Variants in YEATS2 observed in about 807,000 individuals in gnomAD.
YEATS2 encodes YEATS domain containing 2.
Under a neutral mutation model 163.2 loss-of-function variants are expected in YEATS2, and 77 were observed. The observed-to-expected ratio is 0.47, with a 90% CI of 0.39 to 0.57. YEATS2 has a LOEUF of 0.57. Among genes scored for constraint, YEATS2 ranks in the 20% least tolerant of loss-of-function variants. The pLI, the probability that YEATS2 is intolerant of heterozygous loss-of-function variation, is 0.00. For missense variants in YEATS2, 1,549 were observed against 1,729.8 expected (o/e 0.90, Z 1.85); for synonymous variants, 631 against 645.1 (o/e 0.98, Z 0.33).
At chr3:183,778,418 A>G (rs897551925) in intron 19 of YEATS2, among the ~76,000 whole-genome samples, 2 of 152,250 alleles carry the variant, frequency 1.3e-5, no homozygotes, top group African/African-American at 4.8e-5. Flanking sequence ...AAATTTCTCC[A>G]GAGGGGCTTC....
intron 20 of YEATS2, among the ~76,000 whole-genome samples, chr3:183,790,572 T>G (rs1724527050): frequency 6.6e-6 from 1 of 152,204 alleles, no homozygotes; most frequent in South Asian, 2.1e-4. Flanking sequence ...CCCATGATAC[T>G]TCCTTGTTTT....
chr3:183,716,178 C>T (rs970281709), intron 2 of YEATS2, among the ~76,000 whole-genome samples: 3 of 152,108 alleles, frequency 2.0e-5, no homozygotes, highest in African/African-American at 7.2e-5. Flanking sequence ...CCAGGATGGT[C>T]TCCATCTCCT....
chr3:183,728,728 C>T lies in YEATS2; in HGVS notation c.689C>T (p.Ser230Leu). 6.2e-7 allele frequency: 1 copy of T among 1,612,662 alleles called. No individual in the cohort carries two copies. The highest frequency in any genetic ancestry group is 2.2e-5 in the East Asian group (1 of 44,850). ...PPDKREENDQ[S>L]THKWMVYVRG... is the part of the protein sequence containing the mutation. ...GATAAGAGGGAAGAAAATGACCAGT[C>T]AACTCATAAGTGGATGGTATATGTC... Residue 230 changes from serine (S) to leucine (L), a missense_variant, in exon 7 of 31, where the codon TCA becomes TTA. By Grantham distance (145) the Ser-to-Leu change is moderately radical. Coordinates refer to ENST00000305135, the MANE Select transcript of YEATS2 (RefSeq NM_018023.5).
chr3:183,761,959 T>G, intron 14 of YEATS2, 138 bp from the exon 15 acceptor site: 1 of 1,173,078 alleles, frequency 8.5e-7, no homozygotes, highest in Non-Finnish European at 1.2e-6. Flanking sequence ...ATATTTACCC[T>G]TCTGGTGGAG....
At chr3:183,766,686 T>C (rs1721941093) in intron 15 of YEATS2, among the ~76,000 whole-genome samples, 1 of 152,216 alleles carries the variant, frequency 6.6e-6, no homozygotes, top group South Asian at 2.1e-4. Flanking sequence ...TGTGGTTTTT[T>C]GGTGGTTGTT....
Position 183,777,705 on chromosome 3 carries a change from A to G in YEATS2, c.2736+5A>G. 1 of 1,614,056 alleles carries G rather than the reference A, an allele frequency of 6.2e-7. No individual in the cohort carries two copies. Among genetic ancestry groups the G allele is most frequent in the South Asian group, 1.1e-5 (1 of 91,054 alleles). On this transcript the variant is annotated splice_donor_5th_base_variant and intron_variant, in intron 19 of 30. Transcript: ENST00000305135. ...AAAACCACATTGTTTACACAGGTAA[A>G]TACGCCCATGCACACACCCCAAATA...
chr3:183,795,990 T>G (rs964268794), intron 21 of YEATS2, among the ~76,000 whole-genome samples: 1 of 148,654 alleles, frequency 6.7e-6, no homozygotes, highest in African/African-American at 2.5e-5. Context: ...GTTTTTTTTT[T>G]TTTTTTTTTG....
Position 183,716,498 on chromosome 3 carries a change from A to G in YEATS2, c.101-1153A>G, listed in dbSNP as rs138057702. Reference sequence around the variant, plus strand: ...TATAGAAGGAAAATTGTTAAATCCAATCCCAAATAGTGAAAACATTTTGCT... The same window carrying G: ...TATAGAAGGAAAATTGTTAAATCCAGTCCCAAATAGTGAAAACATTTTGCT... On this transcript the variant is annotated intron_variant, in intron 2 of 30. Coordinates refer to ENST00000305135, the MANE Select transcript of YEATS2 (RefSeq NM_018023.5). Among the ~76,000 whole-genome samples the G allele has an allele frequency of 1.8e-3, 274 of 152,288 alleles. 3 individuals carry two copies. The highest frequency in any genetic ancestry group is 6.4e-3 in the African/African-American group (267 of 41,568).
At chr3:183,746,607 A>G (rs530909105) in intron 8 of YEATS2, among the ~76,000 whole-genome samples, 3 of 150,964 alleles carry the variant, frequency 2.0e-5, no homozygotes, top group African/African-American at 4.9e-5. Flanking sequence ...CAGAGAGACT[A>G]TTATTTCTAT....
At chr3:183,748,945 G>A (rs1050869227) in intron 9 of YEATS2, among the ~76,000 whole-genome samples, 1 of 151,748 alleles carries the variant, frequency 6.6e-6, no homozygotes, top group Admixed American at 6.6e-5. Flanking sequence ...TTTTCAAAAT[G>A]TATATATATT....
chr3:183,789,166 T>C (rs1423084835), intron 20 of YEATS2, among the ~76,000 whole-genome samples: 5 of 152,198 alleles, frequency 3.3e-5, no homozygotes, highest in Admixed American at 2.0e-4. Flanking sequence ...TGGTTGCCTG[T>C]GCTTTTGAGG....
Position 183,762,163 on chromosome 3 carries a change from C to G in YEATS2, c.1831C>G (p.Pro611Ala). The G allele has an allele frequency of 6.2e-7, 1 of 1,614,114 alleles. No homozygotes were observed. Among genetic ancestry groups the G allele is most frequent in the Admixed American group, 1.7e-5 (1 of 60,018 alleles). The change falls in exon 15 of 31, where the codon CCA becomes GCA. Residue 611 changes from proline to alanine, a missense_variant. By Grantham distance (27) the Pro-to-Ala change is conservative. Transcript: ENST00000305135. ...CGCAACAGGAGCTGCCAGCCAGTCACCACTCCCGCAGTATGTGACTGTGAA... is the reference window on the plus strand; with the variant it reads ...CGCAACAGGAGCTGCCAGCCAGTCAGCACTCCCGCAGTATGTGACTGTGAA... The part of the protein sequence containing the change: ...VPATGAASQS[P>A]LPQYVTVKGG...
chr3:183,801,760 T>A, intron 25 of YEATS2: 1 of 419,978 alleles, frequency 2.4e-6, no homozygotes, highest in Admixed American at 4.2e-5. Context: ...ATTTTTCATA[T>A]GTAAATCATA....
intron 19 of YEATS2, among the ~76,000 whole-genome samples, chr3:183,778,111 C>CAAAAAAAAAAA (rs569250141): frequency 3.2e-4 from 18 of 55,944 alleles, no homozygotes; most frequent in African/African-American, 3.9e-4. Context: ...GATTCTGTCT[C>CAAAAAAAAAAA]AAAAAAAAAA....
chr3:183,794,695 G>A (rs1724970138), intron 21 of YEATS2, among the ~76,000 whole-genome samples: 1 of 152,198 alleles, frequency 6.6e-6, no homozygotes, highest in African/African-American at 2.4e-5. Context: ...CTGAGTGCCT[G>A]TTGCTTTCAT....
At chr3:183,738,391 C>CTTTTTTT (rs1173865612) in intron 8 of YEATS2, among the ~76,000 whole-genome samples, 6 of 74,034 alleles carry the variant, frequency 8.1e-5, no homozygotes, top group African/African-American at 2.7e-4. Context: ...AGGAAAAGTT[C>CTTTTTTT]TTTTTTTTTT....
intron 18 of YEATS2, among the ~76,000 whole-genome samples, chr3:183,777,339 A>G (rs1459799292): frequency 2.0e-5 from 3 of 152,224 alleles, no homozygotes; most frequent in Admixed American, 6.5e-5. Flanking sequence ...CTACAGTGCA[A>G]AGTTTGAGAA....
intron 11 of YEATS2, among the ~76,000 whole-genome samples, chr3:183,755,407 G>A (rs80262091): frequency 0.028 from 4,218 of 152,138 alleles, 182 homozygotes; most frequent in African/African-American, 0.095. Context: ...GTGAGCCACC[G>A]TCCCCTGTCA....
intron 15 of YEATS2, among the ~76,000 whole-genome samples, chr3:183,766,744 C>A (rs1721946086): frequency 6.6e-6 from 1 of 152,170 alleles, no homozygotes; most frequent in Admixed American, 6.5e-5. Context: ...TCATAACTCA[C>A]TGTAGTCTCA....
Sources: allele counts gnomAD v4.1 joint callset (sites outside exome capture counted in the v4.1 genomes callset), GRCh38; gene constraint gnomAD v4.1.1; transcripts MANE v1.5; gene names NCBI Gene and HGNC (gene_info 2026-07-23, HGNC 2026-07-21).